The following TMEM154 variants were observed in gnomAD, a reference collection of about 807,000 sequenced individuals.
TMEM154 encodes the protein transmembrane protein 154.
TMEM154 carries 27 observed loss-of-function variants against 24.5 expected under a neutral mutation model. The ratio of observed to expected loss-of-function variants is 1.10; its 90% CI spans 0.81 to 1.52. TMEM154 has a LOEUF of 1.52. TMEM154 is among the 40% of genes most tolerant of loss of function. The probability of loss-of-function intolerance (pLI) is 0.00; values close to 1 mark genes in which losing one functional copy is unlikely to be tolerated. For synonymous variants in TMEM154, 67 were observed against 76.8 expected (o/e 0.87, Z 0.67); for missense variants, 228 against 213.4 (o/e 1.07, Z -0.43).
chr4:152,670,793 A>ATGTT (rs1375181543), intron 1 of TMEM154, among the ~76,000 whole-genome samples: 1 of 152,114 alleles, frequency 6.6e-6, no homozygotes, highest in Non-Finnish European at 1.5e-5. Flanking sequence ...GATAAATTTC[A>ATGTT]TGTTTATGCA....
chr4:152,636,077 T>C (rs1752143345), intron 6 of TMEM154, among the ~76,000 whole-genome samples: 1 of 152,206 alleles, frequency 6.6e-6, no homozygotes, highest in Non-Finnish European at 1.5e-5. Flanking sequence ...CTGGCTAGAT[T>C]GGAAGAGTCA....
At chr4:152,663,853 C>T (rs1728665086) in intron 1 of TMEM154, among the ~76,000 whole-genome samples, 2 of 152,242 alleles carry the variant, frequency 1.3e-5, no homozygotes, top group African/African-American at 4.8e-5. Flanking sequence ...TTCACGCAGA[C>T]ACATCTGGGA....
chr4:152,637,122 G>A (rs1561045481), intron 6 of TMEM154, among the ~76,000 whole-genome samples: 1 of 152,134 alleles, frequency 6.6e-6, no homozygotes. Flanking sequence ...TGGGAACTCT[G>A]TATTTTCTGC....
rs148947218 is a variant in TMEM154, at chr4:152,629,178, T to C, written c.537-617A>G. Among the ~76,000 whole-genome samples the C allele has an allele frequency of 9.1e-3, 1,391 of 152,332 alleles. 23 individuals carry two copies. The highest frequency in any genetic ancestry group is 0.031 in the African/African-American group (1,269 of 41,578). On this transcript the variant is annotated intron_variant, in intron 6 of 6. Transcript: ENST00000304385. ...CAGTGCTGATGCAGAGAGAACCAGA[T>C]GGAGTTGGGGGTTCCCCGTTTAATA...
At chr4:152,632,420 C>T (rs1361200366) in intron 6 of TMEM154, among the ~76,000 whole-genome samples, 1 of 152,192 alleles carries the variant, frequency 6.6e-6, no homozygotes, top group Non-Finnish European at 1.5e-5. Context: ...TGTGAAGTCC[C>T]CACCCTTATT....
chr4:152,677,562 C>A (rs996444031), intron 1 of TMEM154, among the ~76,000 whole-genome samples: 34 of 152,180 alleles, frequency 2.2e-4, no homozygotes, highest in Admixed American at 3.3e-4. Flanking sequence ...AATTTAAAAT[C>A]ACCTTTTCCA....
In TMEM154 at chr4:152,628,131, G is replaced by A; in HGVS notation, c.*415C>T. The A allele has an allele frequency of 5.1e-6, 1 of 196,272 alleles. No homozygotes were observed. The highest frequency in any genetic ancestry group is 1.0e-5 in the Non-Finnish European group (1 of 95,454). The allele number at this position is 196,272 out of a possible 1,614,324, so 12.2% of individuals were successfully genotyped here. A position where few individuals can be genotyped will look rare whatever the true frequency, so the allele number is the denominator to read the frequency against. On this transcript the variant is annotated 3_prime_UTR_variant, in exon 7 of 7. Transcript: ENST00000304385. The stretch of plus-strand genomic sequence containing the variant: ...AGGAAATTATCCAAAGCTGGTTACT[G>A]ACCCAAAAGGAAACCATCGATAAAA...
At chr4:152,640,876 T>TA in intron 6 of TMEM154, 52 bp downstream of exon 6, 12 of 1,113,596 alleles carry the variant, frequency 1.1e-5, no homozygotes, top group Non-Finnish European at 1.5e-5. Context: ...TGGTTCCCAA[T>TA]CCCCCCGCCC....
At chr4:152,637,766 C>T (rs750701289) in intron 6 of TMEM154, among the ~76,000 whole-genome samples, 10 of 152,306 alleles carry the variant, frequency 6.6e-5, no homozygotes, top group African/African-American at 1.9e-4. Flanking sequence ...CACAAATGCA[C>T]TTTCCACCTG....
chr4:152,641,611 C>T (rs529304472), intron 5 of TMEM154, among the ~76,000 whole-genome samples: 2 of 150,032 alleles, frequency 1.3e-5, no homozygotes, highest in East Asian at 3.9e-4. Flanking sequence ...CGTAATACAA[C>T]AACATAGCAA....
chr4:152,674,051 C>T (rs1050841923), intron 1 of TMEM154, among the ~76,000 whole-genome samples: 3 of 151,836 alleles, frequency 2.0e-5, no homozygotes, highest in African/African-American at 7.3e-5. Context: ...CAATGTGCAA[C>T]ACCTAGAAAT....
rs1751868207 is a variant in TMEM154 at position 152,623,192 on chromosome 4, T to C, written c.*5354A>G. 6.6e-6 allele frequency: 1 copy of C among 152,130 alleles called. No individual in the cohort carries two copies. Among genetic ancestry groups the C allele is most frequent in the South Asian group, 2.1e-4 (1 of 4,828 alleles). 9.4% of individuals were successfully genotyped at this position (152,130 alleles called of 1,614,324 possible). ...ATATGCTGCTGGGACAAAAGCTAAG[T>C]GGCAAATATGACATCAGATGATCTA... is the stretch of plus-strand genomic sequence containing the variant. On this transcript the variant is annotated 3_prime_UTR_variant, in exon 7 of 7. Transcript: ENST00000304385.
At position 152,652,891 on chromosome 4, in the gene TMEM154, G is replaced by A. The variant is rs1728415468; in HGVS notation, c.101C>T (p.Thr34Ile). Residue 34 changes from threonine to isoleucine, a missense_variant, in exon 2 of 7, where the codon ACT becomes ATT. Coordinates refer to ENST00000304385, the MANE Select transcript of TMEM154 (RefSeq NM_152680.3). The part of the protein sequence containing the change: ...YEELENSGDT[T>I]VESERPNKVT... Reference sequence around the variant, plus strand: ...TTTATTTGGTCTTTCAGATTCCACAGTTGTATCTCCTGAGTTTTCTAATTC... The same window carrying A: ...TTTATTTGGTCTTTCAGATTCCACAATTGTATCTCCTGAGTTTTCTAATTC... The A allele has an allele frequency of 6.2e-7, 1 of 1,612,028 alleles. No individual in the cohort carries two copies. Among genetic ancestry groups the A allele is most frequent in the Non-Finnish European group, 8.5e-7 (1 of 1,179,310 alleles).
chr4:152,641,903 CTTTTTTTTTTTTTTTT>C (rs780465309), intron 5 of TMEM154, among the ~76,000 whole-genome samples: 6 of 41,484 alleles, frequency 1.4e-4, no homozygotes, highest in Admixed American at 4.3e-4. Flanking sequence ...AGCAATAATT[CTTTTTTTTTTTTTTTT>C]TTTTTTTTTT....
At chr4:152,661,479 G>A (rs146194371) in intron 1 of TMEM154, among the ~76,000 whole-genome samples, 1 of 152,230 alleles carries the variant, frequency 6.6e-6, no homozygotes, top group East Asian at 1.9e-4. Flanking sequence ...ACATTTTACA[G>A]ATGAAGAAAC....
intron 1 of TMEM154, among the ~76,000 whole-genome samples, chr4:152,667,402 A>G (rs1182512827): frequency 6.6e-6 from 1 of 151,142 alleles, no homozygotes; most frequent in Non-Finnish European, 1.5e-5. Flanking sequence ...ATCCTAAATA[A>G]TGAGACTTCA....
intron 1 of TMEM154, among the ~76,000 whole-genome samples, chr4:152,661,198 CAT>C (rs1728593116): frequency 6.6e-6 from 1 of 152,022 alleles, no homozygotes; most frequent in Non-Finnish European, 1.5e-5. Context: ...CATGCCCTCA[CAT>C]ATGTTTTCTG....
chr4:152,659,133 T>C (rs1461892450), intron 1 of TMEM154, among the ~76,000 whole-genome samples: 1 of 152,230 alleles, frequency 6.6e-6, no homozygotes, highest in Non-Finnish European at 1.5e-5. Flanking sequence ...AATGGTTGAA[T>C]GGATAAATAA....
At chr4:152,661,338 CT>C (rs1728606566) in intron 1 of TMEM154, among the ~76,000 whole-genome samples, 17 of 132,928 alleles carry the variant, frequency 1.3e-4, no homozygotes, top group African/African-American at 4.3e-4. Context: ...CTCTCTCTCT[CT>C]CTCCCCCCAA....
Sources: allele counts gnomAD v4.1 joint callset (sites outside exome capture counted in the v4.1 genomes callset), GRCh38; gene constraint gnomAD v4.1.1; transcripts MANE v1.5; gene names NCBI Gene and HGNC (gene_info 2026-07-23, HGNC 2026-07-21).